The following PAPPA2 variants were observed in gnomAD, a reference collection of about 807,000 sequenced individuals.
The protein encoded by PAPPA2 is pappalysin 2, also known as pappalysin-2.
Under a neutral mutation model 176.4 loss-of-function variants are expected in PAPPA2, and 86 were observed. That is an observed-to-expected ratio of 0.49 (90% confidence interval 0.41 to 0.58). The LOEUF (loss-of-function observed/expected upper bound fraction) is 0.58, where lower values mean the gene tolerates loss of function less well. Ranked by LOEUF, PAPPA2 falls within the 20% of genes least tolerant of loss-of-function variation. PAPPA2 has a pLI of 0.00. For synonymous variants in PAPPA2, 809 were observed against 852.2 expected (o/e 0.95, Z 0.88); for missense variants, 2,073 against 2,256.9 (o/e 0.92, Z 1.65).
At position 176,640,621 on chromosome 1, in the gene PAPPA2, G is replaced by A. The variant is rs559776292; in HGVS notation, c.1992-30349G>A. On this transcript the variant is annotated intron_variant, in intron 3 of 22. Transcript: ENST00000367662. ...ACATTTGGGTTGGTTCCAAGTCTTT[G>A]CTCTTGTGAATAGTGCCGCAATAAA... 5.4e-4 allele frequency among the ~76,000 whole-genome samples: 82 copies of A among 152,046 alleles called. No homozygotes were observed. The Middle Eastern group carries it at 0.02, about 38-fold the overall frequency.
In PAPPA2 at chr1:176,634,837, GATAGATAGATAC is replaced by G. The variant is rs61518030; in HGVS notation, c.1992-36125_1992-36114del. Among the ~76,000 whole-genome samples, 710 of 141,798 alleles carry G rather than the reference GATAGATAGATAC, an allele frequency of 5.0e-3. 4 individuals are homozygous for G. The highest frequency in any genetic ancestry group is 0.013 in the African/African-American group (481 of 37,274). 93.0% of individuals were successfully genotyped at this position (141,798 alleles called of 152,430 possible). On this transcript the variant is annotated intron_variant, in intron 3 of 22. Transcript: ENST00000367662. ...AGATAGATAGATAGATAGATAGATA[GATAGATAGATAC>G]ATAGATACATAGATACATAGATAGA... is the stretch of plus-strand genomic sequence containing the variant.
At chr1:176,808,371 C>T (rs962838462) in intron 21 of PAPPA2, among the ~76,000 whole-genome samples, 1 of 152,142 alleles carries the variant, frequency 6.6e-6, no homozygotes, top group African/African-American at 2.4e-5. Context: ...CAAATAGTTA[C>T]ATGGCAGTGC....
chr1:176,592,550 T>C (rs762654909), intron 2 of PAPPA2, among the ~76,000 whole-genome samples: 2 of 152,158 alleles, frequency 1.3e-5, no homozygotes, highest in Non-Finnish European at 2.9e-5. Context: ...AACAATTATA[T>C]TTTTGATAAT....
At chr1:176,480,169 C>G (rs1429621681) in intron 1 of PAPPA2, among the ~76,000 whole-genome samples, 1 of 152,194 alleles carries the variant, frequency 6.6e-6, no homozygotes, top group East Asian at 1.9e-4. Context: ...TCCACACCTA[C>G]CTCTCTCGAC....
chr1:176,534,993 C>G (rs1285482092), intron 1 of PAPPA2, among the ~76,000 whole-genome samples: 2 of 152,076 alleles, frequency 1.3e-5, no homozygotes, highest in African/African-American at 4.8e-5. Flanking sequence ...CCCTGTGTTC[C>G]TTGTGCTCTG....
chr1:176,649,665 T>C (rs1657601976), intron 3 of PAPPA2, among the ~76,000 whole-genome samples: 1 of 151,578 alleles, frequency 6.6e-6, no homozygotes, highest in African/African-American at 2.4e-5. Flanking sequence ...GATGTAATGG[T>C]CACTCAGAAA....
chr1:176,784,594 T>C (rs1314360346), intron 17 of PAPPA2, among the ~76,000 whole-genome samples: 6 of 151,522 alleles, frequency 4.0e-5, no homozygotes, highest in Admixed American at 3.9e-4. Flanking sequence ...GATTCTCTTT[T>C]TTTTTTTTTT....
intron 3 of PAPPA2, among the ~76,000 whole-genome samples, chr1:176,636,286 A>G (rs1037905609): frequency 2.0e-5 from 3 of 152,130 alleles, no homozygotes; most frequent in Non-Finnish European, 4.4e-5. Flanking sequence ...TTAACTGGAG[A>G]GACTGAGGCT....
At chr1:176,502,322 A>C (rs1367694220) in intron 1 of PAPPA2, among the ~76,000 whole-genome samples, 2 of 152,222 alleles carry the variant, frequency 1.3e-5, no homozygotes, top group Non-Finnish European at 2.9e-5. Flanking sequence ...GTGTAGTACA[A>C]GTAGCTATAA....
At chr1:176,774,482 C>T (rs1302548188) in intron 17 of PAPPA2, among the ~76,000 whole-genome samples, 1 of 152,140 alleles carries the variant, frequency 6.6e-6, no homozygotes, top group Non-Finnish European at 1.5e-5. Flanking sequence ...TGCACATCAC[C>T]TGAGACTCCT....
chr1:176,597,442 A>G (rs1013740950), intron 3 of PAPPA2, among the ~76,000 whole-genome samples: 25 of 152,196 alleles, frequency 1.6e-4, no homozygotes, highest in Admixed American at 1.3e-3. Flanking sequence ...AGCTAATCAA[A>G]TTATCAGAAC....
chr1:176,631,769 T>C (rs1018993446), intron 3 of PAPPA2, among the ~76,000 whole-genome samples: 5 of 152,148 alleles, frequency 3.3e-5, no homozygotes, highest in African/African-American at 4.8e-5. Flanking sequence ...GAACTTTGGC[T>C]GAGAAAGGAA....
rs12135126 is a variant in PAPPA2 at position 176,843,470 on chromosome 1, A to G, written c.*1016A>G. 0.065 allele frequency: 9,852 copies of G among 152,236 alleles called. 446 individuals carry two copies. Among genetic ancestry groups the G allele is most frequent in the Non-Finnish European group, 0.097 (6,596 of 68,010 alleles). 9.4% of individuals were successfully genotyped at this position (152,236 alleles called of 1,614,324 possible). The stretch of plus-strand genomic sequence containing the variant: ...CCTAGGATTTTCTGCACTTCCACAC[A>G]TGCCTGTTCCAAGTGTGGCTGTCAG... On this transcript the variant is annotated 3_prime_UTR_variant, in exon 23 of 23. Transcript: ENST00000367662.
At position 176,595,217 on chromosome 1, in the gene PAPPA2, T is replaced by TA. The variant is rs771964099; in HGVS notation, c.1616dup (p.Asn539LysfsTer6). The TA allele has an allele frequency of 6.2e-7, 1 of 1,614,200 alleles. No homozygotes were observed. Among genetic ancestry groups the TA allele is most frequent in the South Asian group, 1.1e-5 (1 of 91,086 alleles). On this transcript the variant is annotated frameshift_variant, in exon 3 of 23. Transcript: ENST00000367662. LOFTEE classifies it high-confidence loss of function. ...GTGAACATCTGTGATGATGAGGGCC[T>TA]AAACCCCATTGTGAGTGAGGAGCAG...
At chr1:176,481,834 A>G (rs1323615052) in intron 1 of PAPPA2, among the ~76,000 whole-genome samples, 1 of 151,876 alleles carries the variant, frequency 6.6e-6, no homozygotes, top group African/African-American at 2.4e-5. Context: ...CCTCCTGAGT[A>G]GCTGGGACTA....
chr1:176,749,531 T>C (rs1663068154), intron 14 of PAPPA2, among the ~76,000 whole-genome samples: 1 of 152,242 alleles, frequency 6.6e-6, no homozygotes, highest in East Asian at 1.9e-4. Context: ...AAATGTGTAA[T>C]GATACATCAT....
chr1:176,772,800 C>G (rs1664293727), intron 17 of PAPPA2, among the ~76,000 whole-genome samples: 1 of 152,168 alleles, frequency 6.6e-6, no homozygotes, highest in Non-Finnish European at 1.5e-5. Flanking sequence ...CCCAGGTAAT[C>G]TTCAAGTGAA....
rs143919253 is a variant in PAPPA2 at position 176,794,720 on chromosome 1, G to A, written c.5130+1051G>A. 2.0e-3 allele frequency among the ~76,000 whole-genome samples: 307 copies of A among 152,146 alleles called. 1 individual carries two copies. The highest frequency in any genetic ancestry group is 7.2e-3 in the African/African-American group (298 of 41,480). Reference sequence around the variant, plus strand: ...TATTGTGAGACTGAGAAGAGAGGCAGGATGAAAATATAGTACTTTTAGATG... The same window carrying A: ...TATTGTGAGACTGAGAAGAGAGGCAAGATGAAAATATAGTACTTTTAGATG... On this transcript the variant is annotated intron_variant, in intron 20 of 22. Transcript: ENST00000367662.
intron 11 of PAPPA2, among the ~76,000 whole-genome samples, chr1:176,711,334 A>C (rs915587615): frequency 1.3e-5 from 2 of 152,166 alleles, no homozygotes; most frequent in Non-Finnish European, 2.9e-5. Context: ...ATTCTGAGGT[A>C]ATGACCGCTC....
Sources: gnomAD v4.1 joint callset for allele counts (sites outside exome capture counted in the v4.1 genomes callset) on GRCh38, gnomAD v4.1.1 for gene constraint, MANE v1.5 for transcripts, NCBI Gene and HGNC (gene_info 2026-07-23, HGNC 2026-07-21) for gene names.